The following UPK3B variants were observed in gnomAD, a reference collection of about 807,000 sequenced individuals.
UPK3B encodes the protein uroplakin 3B.
UPK3B carries 21 observed loss-of-function variants against 27.6 expected under a neutral mutation model. The observed-to-expected ratio is 0.76, with a 90% CI of 0.54 to 1.10. The LOEUF is 1.10. UPK3B is among the 50% of genes least tolerant of loss of function. The pLI is 0.00. For missense variants in UPK3B, 306 were observed against 376.1 expected (o/e 0.81, Z 1.54); for synonymous variants, 141 against 162.3 (o/e 0.87, Z 1.00).
Position 76,515,415 on chromosome 7 carries a change from T to A in UPK3B, c.*211T>A. ...CTCTCCCTCTCCAAGCATCTGTAAG[T>A]TGCACTCAGGAGGGTTTAGGGGAGG... On this transcript the variant is annotated 3_prime_UTR_variant, in exon 6 of 6. Coordinates refer to ENST00000334348, the MANE Select transcript of UPK3B (RefSeq NM_001347684.2). The A allele has an allele frequency of 6.7e-7, 1 of 1,502,790 alleles. No individual in the cohort carries two copies. The highest frequency in any genetic ancestry group is 2.5e-5 in the East Asian group (1 of 40,488). 93.1% of individuals were successfully genotyped at this position (1,502,790 alleles called of 1,614,324 possible).
rs1344553602 is a variant in UPK3B, at chr7:76,515,365, T to A, written c.*161T>A. 6.7e-7 allele frequency: 1 copy of A among 1,495,064 alleles called. No homozygotes were observed. Among genetic ancestry groups the A allele is most frequent in the Admixed American group, 2.1e-5 (1 of 47,208 alleles). The allele number at this position is 1,495,064 out of a possible 1,614,324, so 92.6% of individuals were successfully genotyped here. On this transcript the variant is annotated 3_prime_UTR_variant, in exon 6 of 6. Coordinates refer to ENST00000334348, the MANE Select transcript of UPK3B (RefSeq NM_001347684.2). Reference sequence around the variant, plus strand: ...CCTGGAATCCCAGCACCAGCCCCCCTGCCTCTCCTCTGCCTTTCTGGTTTC... The same window carrying A: ...CCTGGAATCCCAGCACCAGCCCCCCAGCCTCTCCTCTGCCTTTCTGGTTTC...
At position 76,510,897 on chromosome 7, in the gene UPK3B, C is replaced by T; in HGVS notation, c.86-6C>T. On this transcript the variant is annotated splice_polypyrimidine_tract_variant and splice_region_variant and intron_variant, in intron 1 of 5. Transcript: ENST00000334348. ...GTGGCTCACCTTTTGTCCCCCGTGG[C>T]CACAGAGCTGGTGCCCTACACACCA... 3.8e-6 allele frequency: 6 copies of T among 1,593,174 alleles called. No homozygotes were observed. The highest frequency in any genetic ancestry group is 5.1e-6 in the Non-Finnish European group (6 of 1,171,082).
In UPK3B at chr7:76,510,983, C is replaced by T. The variant is rs1812507032; in HGVS notation, c.166C>T (p.Pro56Ser). The T allele has an allele frequency of 3.8e-6, 6 of 1,583,842 alleles. No individual in the cohort carries two copies. Among genetic ancestry groups the T allele is most frequent in the East Asian group, 2.3e-5 (1 of 43,390 alleles). ...AGCCACCACCTTCTCCCTGGAGCAGCCGCGCTGTGTCTTCGATGGGCTTGC... is the reference window on the plus strand; with the variant it reads ...AGCCACCACCTTCTCCCTGGAGCAGTCGCGCTGTGTCTTCGATGGGCTTGC... ...VTATTFSLEQPRCVFDGLASA... is the reference protein window; with the variant it reads ...VTATTFSLEQSRCVFDGLASA... The change falls in exon 2 of 6, where the codon CCG (proline) becomes TCG (serine). Residue 56 changes from proline (P) to serine (S), a missense_variant. Around this residue, in one of 4 missense-constraint regions of UPK3B, gnomAD observed 21 missense variants for 58.4 expected, o/e 0.36. Coordinates refer to ENST00000334348, the MANE Select transcript of UPK3B (RefSeq NM_001347684.2).
At position 76,513,962 on chromosome 7, in the gene UPK3B, C is replaced by A. The variant is rs1812633207; in HGVS notation, c.557C>A (p.Ser186Tyr). Residue 186 changes from serine to tyrosine, a missense_variant, in exon 5 of 6, where the codon TCC becomes TAC. This residue lies in a region of UPK3B where 174 missense variants were observed against 166.6 expected (regional missense o/e 1.04). Coordinates refer to ENST00000334348, the MANE Select transcript of UPK3B (RefSeq NM_001347684.2). ...GTGTGTGCAGGGAAGACCCCCGGAT[C>A]CATCGACACCTGGCCAGGGCGGCGA... is the stretch of plus-strand genomic sequence containing the variant. The part of the protein sequence containing the change: ...ITLHQGKTPG[S>Y]IDTWPGRRSG... 6.2e-7 allele frequency: 1 copy of A among 1,613,758 alleles called. No homozygotes were observed. The highest frequency in any genetic ancestry group is 1.7e-5 in the Admixed American group (1 of 59,976).
intron 5 of UPK3B, among the ~76,000 whole-genome samples, chr7:76,514,670 C>T (rs1390579022): frequency 3.3e-5 from 5 of 152,032 alleles, no homozygotes; most frequent in African/African-American, 4.8e-5. Flanking sequence ...CTTTGGGAGG[C>T]CGAGGTGGGA....
At chr7:76,512,362 G>A (rs895078987) in intron 3 of UPK3B, among the ~76,000 whole-genome samples, 30 of 150,436 alleles carry the variant, frequency 2.0e-4, no homozygotes, top group African/African-American at 6.6e-4. Flanking sequence ...AGGACTGTCC[G>A]GACACAGGAG....
At chr7:76,513,543 G>C (rs187002049) in intron 4 of UPK3B, among the ~76,000 whole-genome samples, 1 of 152,062 alleles carries the variant, frequency 6.6e-6, no homozygotes, top group African/African-American at 2.4e-5. Flanking sequence ...AGGGGCAAGC[G>C]TGAATGTACC....
chr7:76,514,837 C>T (rs1461319456), intron 5 of UPK3B, among the ~76,000 whole-genome samples: 1 of 148,842 alleles, frequency 6.7e-6, no homozygotes, highest in Admixed American at 6.8e-5. Context: ...ACCCGGGTGG[C>T]GAAGGTTACA....
rs774585357 is a variant in UPK3B, at chr7:76,515,075, G to A, written c.702G>A (p.Pro234=). The A allele has an allele frequency of 4.9e-5, 78 of 1,596,742 alleles. 1 individual carries two copies. The highest frequency in any genetic ancestry group is 1.7e-4 in the Admixed American group (10 of 57,310). ...GCCTGTGGTGGCCGGAGGAGGCCCC[G>A]GAGCAGCTGCGGATCGGCTCCTTCA... ...FSSLWWPEEA[P]EQLRIGSFMG... Residue 234 remains proline, a synonymous_variant, in exon 6 of 6, where the codon CCG becomes CCA. Coordinates refer to ENST00000334348, the MANE Select transcript of UPK3B (RefSeq NM_001347684.2).
rs1812545996 is a variant in UPK3B at position 76,511,878 on chromosome 7, T to C, written c.457T>C (p.Tyr153His). 1 of 1,393,654 alleles carries C rather than the reference T, an allele frequency of 7.2e-7. No individual in the cohort carries two copies. Among genetic ancestry groups the C allele is most frequent in the African/African-American group, 1.5e-5 (1 of 68,186 alleles). The allele number at this position is 1,393,654 out of a possible 1,614,324, so 86.3% of individuals were successfully genotyped here. A position where few individuals can be genotyped will look rare whatever the true frequency, so the allele number is the denominator to read the frequency against. The stretch of plus-strand genomic sequence containing the variant: ...CGCGCCCCTCCCTGGCCCTGGACCC[T>C]ATCGGTGGGTGGTCCCCACCGGAGC... Reference protein sequence around the residue: ...CNAPLPGPGPYRVKFLLMDTR... With the variant: ...CNAPLPGPGPHRVKFLLMDTR... Residue 153 changes from tyrosine to histidine, a missense_variant, in exon 3 of 6, where the codon TAT becomes CAT. Tyr to His is a moderately conservative substitution (Grantham distance 83). Transcript: ENST00000334348.
rs143424683 is a variant in UPK3B, at chr7:76,515,938, G to A, written c.*734G>A. The A allele has an allele frequency of 1.8e-3, 1,116 of 610,520 alleles. 436 individuals are homozygous for A. In the African/African-American group the frequency reaches 0.031, roughly 17 times the overall value. 37.8% of individuals were successfully genotyped at this position (610,520 alleles called of 1,614,324 possible). ...CCTTCTCTAGACCTGAGACGACCACGTGTCCAGATGTGACCTGTTGCTGTC... is the reference window on the plus strand; with the variant it reads ...CCTTCTCTAGACCTGAGACGACCACATGTCCAGATGTGACCTGTTGCTGTC... On this transcript the variant is annotated 3_prime_UTR_variant, in exon 6 of 6. Coordinates refer to ENST00000334348, the MANE Select transcript of UPK3B (RefSeq NM_001347684.2).
chr7:76,511,775 C>A lies in UPK3B; in HGVS notation c.354C>A (p.Asp118Glu). 7 of 1,601,426 alleles carry A rather than the reference C, an allele frequency of 4.4e-6. No homozygotes were observed. Among genetic ancestry groups the A allele is most frequent in the Non-Finnish European group, 6.0e-6 (7 of 1,174,228 alleles). The change falls in exon 3 of 6, where the codon GAC (aspartate) becomes GAA (glutamate). Residue 118 changes from aspartate (D) to glutamate (E), a missense_variant. Coordinates refer to ENST00000334348, the MANE Select transcript of UPK3B (RefSeq NM_001347684.2). ...PLSPDQLPCG[D>E]PMAGSGGAPV... ...CTCCGGACCAGCTGCCCTGTGGCGACCCCATGGCGGGCAGCGGAGGCGCCC... is the reference window on the plus strand; with the variant it reads ...CTCCGGACCAGCTGCCCTGTGGCGAACCCATGGCGGGCAGCGGAGGCGCCC...
rs1812700524 is a variant in UPK3B, at chr7:76,515,290, C to T, written c.*86C>T. On this transcript the variant is annotated 3_prime_UTR_variant, in exon 6 of 6. Transcript: ENST00000334348. The stretch of plus-strand genomic sequence containing the variant: ...TGTCCCAGCTCCTGCACCCACAGGC[C>T]CCCTCAGGGCTCCTTGCCTTTCCCC... 2 of 1,536,346 alleles carry T rather than the reference C, an allele frequency of 1.3e-6. No homozygotes were observed. Among genetic ancestry groups the T allele is most frequent in the Non-Finnish European group, 1.8e-6 (2 of 1,138,596 alleles).
chr7:76,510,583 C>T lies in UPK3B; in HGVS notation c.-70C>T. On this transcript the variant is annotated 5_prime_UTR_variant, in exon 1 of 6. Transcript: ENST00000334348. Reference sequence around the variant, plus strand: ...ATTAACCAGCTTCTCCAGGGCCAAGCTGTTGGGGGTGAGGTGCAGCCCGAA... The same window carrying T: ...ATTAACCAGCTTCTCCAGGGCCAAGTTGTTGGGGGTGAGGTGCAGCCCGAA... The T allele has an allele frequency of 7.4e-7, 1 of 1,347,142 alleles. No homozygotes were observed. 83.4% of individuals were successfully genotyped at this position (1,347,142 alleles called of 1,614,324 possible).
intron 2 of UPK3B, chr7:76,511,385 C>A: frequency 1.2e-6 from 1 of 829,540 alleles, no homozygotes; most frequent in Non-Finnish European, 1.8e-6. Context: ...TGGGGCAGGG[C>A]CGGTGCACTG....
intron 2 of UPK3B, 52 bp from the exon 3 acceptor site, chr7:76,511,605 G>A: frequency 7.0e-7 from 1 of 1,429,962 alleles, no homozygotes; most frequent in East Asian, 2.4e-5. Flanking sequence ...CCACTCATAA[G>A]GACAAAGCTG....
rs750180306 is a variant in UPK3B, at chr7:76,515,091, G to A, written c.718G>A (p.Gly240Ser). The change falls in exon 6 of 6, where the codon GGC (glycine) becomes AGC (serine). Residue 240 changes from glycine (G) to serine (S), a missense_variant. Transcript: ENST00000334348. ...GGAGGCCCCGGAGCAGCTGCGGATC[G>A]GCTCCTTCATGGGCAAGCGCTACAT... ...PEEAPEQLRI[G>S]SFMGKRYMTH... 64 of 1,600,492 alleles carry A rather than the reference G, an allele frequency of 4.0e-5. No homozygotes were observed. The highest frequency in any genetic ancestry group is 1.6e-4 in the Middle Eastern group (1 of 6,066).
Position 76,514,070 on chromosome 7 carries a change from T to G in UPK3B, c.665T>G (p.Met222Arg). ...LLLAFLAASTMRFSSLWWPEE... is the reference protein window; with the variant it reads ...LLLAFLAASTRRFSSLWWPEE... ...TTGGCCTTCTTGGCAGCCTCTACCATGCGCTTGTGAGTGGGGACACCCCCT... is the reference window on the plus strand; with the variant it reads ...TTGGCCTTCTTGGCAGCCTCTACCAGGCGCTTGTGAGTGGGGACACCCCCT... The change falls in exon 5 of 6, where the codon ATG becomes AGG. Residue 222 changes from methionine to arginine, a missense_variant. Transcript: ENST00000334348. The G allele has an allele frequency of 6.2e-7, 1 of 1,613,976 alleles. No homozygotes were observed.
intron 2 of UPK3B, among the ~76,000 whole-genome samples, chr7:76,511,263 T>A (rs2260345): frequency 0.99 from 149,601 of 151,444 alleles, 73,879 homozygotes; most frequent in East Asian, 1. Context: ...GGAGTAGTGC[T>A]AGTGGTGGGT....
Sources: gnomAD v4.1 joint callset for allele counts (sites outside exome capture counted in the v4.1 genomes callset) on GRCh38, gnomAD v4.1.1 for gene constraint, gnomAD v4.1.1 regional missense constraint, MANE v1.5 for transcripts, NCBI Gene and HGNC (gene_info 2026-07-23, HGNC 2026-07-21) for gene names.